CCDC68: variants seen among roughly 807,000 people sequenced by gnomAD.
CCDC68 encodes coiled-coil domain-containing protein 68.
CCDC68 carries 45 observed loss-of-function variants against 47.1 expected under a neutral mutation model. That is an observed-to-expected ratio of 0.96 (90% CI 0.75 to 1.23). The LOEUF (loss-of-function observed/expected upper bound fraction) is 1.23. Ranked by LOEUF, CCDC68 falls within the 50% of genes most tolerant of loss-of-function variation. The pLI, the probability that CCDC68 is intolerant of heterozygous loss-of-function variation, is 0.00. For synonymous variants in CCDC68, 131 were observed against 129.5 expected (o/e 1.01, Z -0.08); for missense variants, 353 against 373.6 (o/e 0.94, Z 0.45).
At chr18:54,917,379 A>G (rs904368362) in intron 10 of CCDC68, among the ~76,000 whole-genome samples, 2 of 152,188 alleles carry the variant, frequency 1.3e-5, no homozygotes, top group African/African-American at 4.8e-5. Context: ...GACTAGAGTG[A>G]AATTTACACA....
chr18:54,915,064 G>A (rs983829676), intron 10 of CCDC68, among the ~76,000 whole-genome samples: 2 of 152,162 alleles, frequency 1.3e-5, no homozygotes, highest in African/African-American at 2.4e-5. Context: ...AATTAGATAT[G>A]AGCAGAGCCC....
At chr18:54,913,242 G>A (rs1359547304) in intron 10 of CCDC68, among the ~76,000 whole-genome samples, 3 of 152,144 alleles carry the variant, frequency 2.0e-5, no homozygotes, top group Non-Finnish European at 4.4e-5. Context: ...AACAAAATAC[G>A]TAGCATGACT....
intron 7 of CCDC68, among the ~76,000 whole-genome samples, chr18:54,931,799 G>A (rs1434507562): frequency 3.9e-5 from 6 of 152,124 alleles, no homozygotes; most frequent in African/African-American, 1.4e-4. Context: ...TGATTAAAGT[G>A]GGACAGACGG....
intron 1 of CCDC68, among the ~76,000 whole-genome samples, chr18:54,958,590 T>G (rs2145689383): frequency 6.6e-6 from 1 of 152,338 alleles, no homozygotes; most frequent in Non-Finnish European, 1.5e-5. Context: ...TCAGTTATGT[T>G]CAGGGCTTGT....
intron 1 of CCDC68, among the ~76,000 whole-genome samples, chr18:54,956,270 G>A (rs1207896899): frequency 2.6e-5 from 4 of 152,230 alleles, no homozygotes; most frequent in East Asian, 1.9e-4. Flanking sequence ...TTATAGGTGT[G>A]AGCCACTGTG....
At chr18:54,943,074 C>T (rs1258248276) in intron 2 of CCDC68, 2 of 252,036 alleles carry the variant, frequency 7.9e-6, no homozygotes, top group Non-Finnish European at 1.5e-5. Flanking sequence ...TCATCTCAGA[C>T]TGTAAAATCT....
intron 3 of CCDC68, among the ~76,000 whole-genome samples, chr18:54,942,140 G>A (rs976511977): frequency 2.6e-5 from 4 of 152,186 alleles, no homozygotes; most frequent in African/African-American, 9.7e-5. Context: ...TCTGTTGTAA[G>A]AAACAGTTAA....
At position 54,956,055 on chromosome 18, in the gene CCDC68, T is replaced by A. The variant is rs62091555; in HGVS notation, c.-103+3281A>T. On this transcript the variant is annotated intron_variant, in intron 1 of 11. Transcript: ENST00000591504. ...CCCAGGCTGGAGTGCAATGGTGCAA[T>A]CTTGGCTCACTGCAACCTCTGCCTC... 7.8e-3 allele frequency among the ~76,000 whole-genome samples: 1,185 copies of A among 151,784 alleles called. 2 individuals are homozygous for A. The highest frequency in any genetic ancestry group is 0.012 in the Non-Finnish European group (783 of 67,974).
rs545924820 is a variant in CCDC68 at position 54,936,726 on chromosome 18, A to G, written c.471+107T>C. ...CGCTTCTTTCCCAAGTCTTTTGCCAAGTCACTTGGCCATTGCTTGTTTCAT... is the reference window on the plus strand; with the variant it reads ...CGCTTCTTTCCCAAGTCTTTTGCCAGGTCACTTGGCCATTGCTTGTTTCAT... On this transcript the variant is annotated intron_variant, in intron 6 of 11. Coordinates refer to ENST00000591504, the MANE Select transcript of CCDC68 (RefSeq NM_025214.3). 6.7e-5 allele frequency: 92 copies of G among 1,377,278 alleles called. No individual in the cohort carries two copies. The African/African-American group carries it at 1.0e-3, about 15-fold the overall frequency. The allele number at this position is 1,377,278 out of a possible 1,614,324, so 85.3% of individuals were successfully genotyped here.
intron 1 of CCDC68, among the ~76,000 whole-genome samples, chr18:54,950,651 A>G (rs2044597540): frequency 6.6e-6 from 1 of 152,114 alleles, no homozygotes; most frequent in Non-Finnish European, 1.5e-5. Flanking sequence ...GCTATTTCGG[A>G]GGAAAAATGA....
At chr18:54,932,781 C>T (rs955949172) in intron 7 of CCDC68, among the ~76,000 whole-genome samples, 153 of 152,218 alleles carry the variant, frequency 1.0e-3, no homozygotes, top group African/African-American at 3.6e-3. Flanking sequence ...CTGGGGCATG[C>T]TCCTCTGCCT....
intron 10 of CCDC68, 41 bp from the exon 11 acceptor site, chr18:54,907,903 A>T (rs1487476541): frequency 6.3e-6 from 7 of 1,106,364 alleles, no homozygotes; most frequent in East Asian, 2.4e-5. Flanking sequence ...TAGCTAACAC[A>T]TTTATTAGCT....
intron 4 of CCDC68, among the ~76,000 whole-genome samples, chr18:54,940,381 G>A (rs1323116525): frequency 2.0e-5 from 3 of 152,130 alleles, no homozygotes; most frequent in Non-Finnish European, 2.9e-5. Context: ...AATAATAATT[G>A]AAGCTAGTTA....
At chr18:54,951,436 C>G (rs1432609562) in intron 1 of CCDC68, among the ~76,000 whole-genome samples, 3 of 152,186 alleles carry the variant, frequency 2.0e-5, no homozygotes, top group African/African-American at 7.2e-5. Context: ...ATACTTCTCA[C>G]ATATGCCCTG....
chr18:54,922,857 A>T (rs2044083601), intron 8 of CCDC68, among the ~76,000 whole-genome samples: 1 of 151,884 alleles, frequency 6.6e-6, no homozygotes, highest in Non-Finnish European at 1.5e-5. Flanking sequence ...GCATGGTGGC[A>T]TGCGCCTGTA....
rs539542059 is a variant in CCDC68 at position 54,904,490 on chromosome 18, A to G, written c.951-75T>C. 3 of 1,120,400 alleles carry G rather than the reference A, an allele frequency of 2.7e-6. No individual in the cohort carries two copies. The South Asian group carries it at 3.8e-5, about 14-fold the overall frequency. The allele number at this position is 1,120,400 out of a possible 1,614,324, so 69.4% of individuals were successfully genotyped here. On this transcript the variant is annotated intron_variant, in intron 11 of 11. Coordinates refer to ENST00000591504, the MANE Select transcript of CCDC68 (RefSeq NM_025214.3). ...TGATTATGGCTAGACTACCATACTCAACTACCACAATACTATTCACATCAA... is the reference window on the plus strand; with the variant it reads ...TGATTATGGCTAGACTACCATACTCGACTACCACAATACTATTCACATCAA...
At chr18:54,958,011 C>CA (rs2044743178) in intron 1 of CCDC68, 1 of 152,148 alleles carries the variant, frequency 6.6e-6, no homozygotes, top group Non-Finnish European at 1.5e-5. Flanking sequence ...AATAAGCTAA[C>CA]AAATAACATG....
At chr18:54,920,236 C>CTTTTTTTTTT (rs58528142) in intron 8 of CCDC68, among the ~76,000 whole-genome samples, 1 of 135,232 alleles carries the variant, frequency 7.4e-6, no homozygotes, top group Non-Finnish European at 1.6e-5. Context: ...TTTCTTTTTT[C>CTTTTTTTTTT]TTTTTTTTTT....
chr18:54,912,423 G>A (rs2145384993), intron 10 of CCDC68, among the ~76,000 whole-genome samples: 1 of 7,712 alleles, frequency 1.3e-4, no homozygotes, highest in African/African-American at 1.7e-4. Flanking sequence ...ATCACCTATA[G>A]GGAGAGGAAA....
Sources: allele counts gnomAD v4.1 joint callset (sites outside exome capture counted in the v4.1 genomes callset), GRCh38; gene constraint gnomAD v4.1.1; transcripts MANE v1.5; gene names NCBI Gene and HGNC (gene_info 2026-07-23, HGNC 2026-07-21).